Variants in FANCC observed in about 807,000 individuals in gnomAD.
FANCC encodes the protein FA complementation group C, also known as Fanconi anemia group C protein.
Under a neutral mutation model 71.3 loss-of-function variants are expected in FANCC, and 55 were observed. That is an observed-to-expected ratio of 0.77 (90% CI 0.62 to 0.97). The LOEUF is 0.97. FANCC is among the 50% of genes least tolerant of loss of function. FANCC has a pLI of 0.00. For synonymous variants in FANCC, 275 were observed against 244.9 expected (o/e 1.12, Z -1.15); for missense variants, 678 against 670.9 (o/e 1.01, Z -0.12).
At chr9:95,206,259 T>C (rs1179750133) in intron 4 of FANCC, among the ~76,000 whole-genome samples, 1 of 152,220 alleles carries the variant, frequency 6.6e-6, no homozygotes, top group African/African-American at 2.4e-5. Flanking sequence ...GCCTGTGGAA[T>C]GCTGTTTACT....
chr9:95,189,064 C>T (rs1031519983), intron 4 of FANCC, among the ~76,000 whole-genome samples: 1 of 152,128 alleles, frequency 6.6e-6, no homozygotes, highest in African/African-American at 2.4e-5. Flanking sequence ...TTAAATACGC[C>T]AATTGCTCTA....
intron 1 of FANCC, among the ~76,000 whole-genome samples, chr9:95,291,963 A>AT (rs1256566464): frequency 8.1e-4 from 77 of 94,490 alleles, no homozygotes; most frequent in African/African-American, 1.4e-3. Flanking sequence ...AAAAAAAAAA[A>AT]AAAAATATAT....
At chr9:95,233,184 C>T (rs192958839) in intron 4 of FANCC, among the ~76,000 whole-genome samples, 19 of 150,454 alleles carry the variant, frequency 1.3e-4, no homozygotes, top group Admixed American at 6.6e-4. Context: ...CAGGCAAATA[C>T]AAAAATTCAA....
chr9:95,170,544 C>T (rs1475571288), intron 6 of FANCC, among the ~76,000 whole-genome samples: 1 of 151,850 alleles, frequency 6.6e-6, no homozygotes, highest in Non-Finnish European at 1.5e-5. Flanking sequence ...TTTAATTTGT[C>T]TGAATCTCTT....
At chr9:95,119,151 G>A (rs2072664482) in intron 10 of FANCC, among the ~76,000 whole-genome samples, 1 of 152,144 alleles carries the variant, frequency 6.6e-6, no homozygotes, top group Non-Finnish European at 1.5e-5. Context: ...GATGGCAAAT[G>A]ACGCTGAACA....
intron 8 of FANCC, 163 bp from the exon 9 acceptor site, chr9:95,126,744 C>CGTAT: frequency 1.5e-6 from 1 of 675,330 alleles, no homozygotes; most frequent in Non-Finnish European, 2.7e-6. Flanking sequence ...AAACGCCCCA[C>CGTAT]ATACAAGTGC....
intron 6 of FANCC, among the ~76,000 whole-genome samples, chr9:95,153,218 T>C (rs1488175622): frequency 6.6e-6 from 1 of 152,262 alleles, no homozygotes; most frequent in African/African-American, 2.4e-5. Context: ...GTAGTGTATA[T>C]ATACCATATT....
intron 12 of FANCC, among the ~76,000 whole-genome samples, chr9:95,113,471 C>G (rs1315322496): frequency 6.6e-6 from 1 of 152,042 alleles, no homozygotes; most frequent in African/African-American, 2.4e-5. Context: ...GAAAATCACA[C>G]ACATAAGAGG....
chr9:95,167,393 A>C (rs966924030), intron 6 of FANCC, among the ~76,000 whole-genome samples: 6 of 152,178 alleles, frequency 3.9e-5, no homozygotes, highest in African/African-American at 1.4e-4. Flanking sequence ...TCTTCAAATA[A>C]GTTCTCTGCC....
At chr9:95,111,846 C>G (rs576755630) in intron 12 of FANCC, among the ~76,000 whole-genome samples, 65 of 152,284 alleles carry the variant, frequency 4.3e-4, no homozygotes, top group Non-Finnish European at 8.7e-4. Context: ...CCTCTCAGGA[C>G]CCCCGTGAGG....
At position 95,198,209 on chromosome 9, in the gene FANCC, G is replaced by T. The variant is rs552952637; in HGVS notation, c.346-26062C>A. ...TGTCTTTAGCTTGGGACTTAGGTGG[G>T]AAAGGGCTATAGAACACAACAGTGA... On this transcript the variant is annotated intron_variant, in intron 4 of 14. Transcript: ENST00000289081. Among the ~76,000 whole-genome samples the T allele has an allele frequency of 1.1e-4, 17 of 152,270 alleles. No homozygotes were observed. In the South Asian group the frequency reaches 3.5e-3, roughly 32 times the overall value.
intron 1 of FANCC, among the ~76,000 whole-genome samples, chr9:95,306,147 T>C (rs1428479440): frequency 6.6e-6 from 1 of 152,226 alleles, no homozygotes; most frequent in Non-Finnish European, 1.5e-5. Flanking sequence ...TGGATTAACA[T>C]TGTACAATAA....
At chr9:95,291,423 C>T (rs1047849598) in intron 1 of FANCC, among the ~76,000 whole-genome samples, 2 of 151,962 alleles carry the variant, frequency 1.3e-5, no homozygotes, top group South Asian at 4.1e-4. Context: ...TTTCTATACA[C>T]CAAATATTAA....
rs139463662 is a variant in FANCC at position 95,169,114 on chromosome 9, T to C, written c.521+1965A>G. On this transcript the variant is annotated intron_variant, in intron 6 of 14. Transcript: ENST00000289081. ...CAGAGAAGTTGTAAAGTGCTTTCTTTAAGTGAAAAGGTGAAAGTTTTCAAC... is the reference window on the plus strand; with the variant it reads ...CAGAGAAGTTGTAAAGTGCTTTCTTCAAGTGAAAAGGTGAAAGTTTTCAAC... Among the ~76,000 whole-genome samples, 853 of 152,300 alleles carry C rather than the reference T, an allele frequency of 5.6e-3. 9 individuals are homozygous for C. The highest frequency in any genetic ancestry group is 9.6e-3 in the Non-Finnish European group (654 of 68,026).
chr9:95,126,225 G>C (rs758869007), intron 9 of FANCC, among the ~76,000 whole-genome samples: 5 of 152,166 alleles, frequency 3.3e-5, no homozygotes, highest in South Asian at 2.1e-4. Flanking sequence ...ATTCTGAGCT[G>C]AGAAAAATCC....
At chr9:95,294,741 G>C (rs1012513071) in intron 1 of FANCC, 5 of 1,601,492 alleles carry the variant, frequency 3.1e-6, no homozygotes, top group African/African-American at 2.7e-5. Context: ...CCTGGAACAT[G>C]ATGGAGTCTC....
intron 2 of FANCC, 125 bp from the exon 3 acceptor site, chr9:95,247,641 C>A: frequency 1.4e-6 from 1 of 709,330 alleles, no homozygotes; most frequent in South Asian, 1.5e-5. Flanking sequence ...AAAGTAAGCA[C>A]AAAAGGATTA....
At chr9:95,182,995 C>T (rs1264364492) in intron 4 of FANCC, among the ~76,000 whole-genome samples, 3 of 152,114 alleles carry the variant, frequency 2.0e-5, no homozygotes, top group Admixed American at 2.0e-4. Context: ...GGCCTCAGCC[C>T]GCCTGCGCAA....
chr9:95,251,890 A>G (rs1163137642), intron 1 of FANCC, among the ~76,000 whole-genome samples: 1 of 152,216 alleles, frequency 6.6e-6, no homozygotes, highest in Non-Finnish European at 1.5e-5. Context: ...AGATTATGTA[A>G]AAACTGAAAG....
Sources: allele counts gnomAD v4.1 joint callset (sites outside exome capture counted in the v4.1 genomes callset), GRCh38; gene constraint gnomAD v4.1.1; transcripts MANE v1.5; gene names NCBI Gene and HGNC (gene_info 2026-07-23, HGNC 2026-07-21).